SMARCA4: variants seen among roughly 807,000 people sequenced by gnomAD.
SMARCA4 encodes the protein SWI/SNF-related matrix-associated actin-dependent regulator of chromatin subfamily A member 4.
SMARCA4 carries 31 observed loss-of-function variants against 193.9 expected under a neutral mutation model. The observed-to-expected ratio is 0.16, with a 90% CI of 0.12 to 0.22. SMARCA4 has a LOEUF of 0.22. SMARCA4 is among the 10% of genes least tolerant of loss of function. SMARCA4 has a pLI of 1.00. For missense variants in SMARCA4, 1,148 were observed against 2,296.0 expected (o/e 0.50, Z 10.22); for synonymous variants, 942 against 933.1 (o/e 1.01, Z -0.17).
intron 19 of SMARCA4, among the ~76,000 whole-genome samples, chr19:11,023,237 G>A (rs1020212474): frequency 5.3e-5 from 8 of 152,348 alleles, no homozygotes; most frequent in African/African-American, 1.9e-4. Context: ...CCGCTGCCGG[G>A]GGTCTTTCTG....
chr19:10,970,845 A>G (rs375768655), intron 1 of SMARCA4, among the ~76,000 whole-genome samples: 13 of 152,358 alleles, frequency 8.5e-5, no homozygotes, highest in African/African-American at 3.1e-4. Flanking sequence ...ATGAGAGTAT[A>G]GTAGAAGAAA....
rs746801055 is a variant in SMARCA4 at position 11,023,577 on chromosome 19, G to A, written c.2919G>A (p.Arg973=). ...LIIRRLHKVL[R]PFLLRRLKKE... ...TCCGGCGTCTCCACAAAGTGCTGCG[G>A]CCCTTCTTGCTCCGACGACTCAAGA... Residue 973 remains arginine, a synonymous_variant, in exon 20 of 35, where the codon CGG becomes CGA. Transcript: ENST00000344626. The A allele has an allele frequency of 1.2e-6, 2 of 1,613,518 alleles. No homozygotes were observed. Among genetic ancestry groups the A allele is most frequent in the Non-Finnish European group, 8.5e-7 (1 of 1,179,764 alleles).
In SMARCA4 at chr19:10,984,885, T is replaced by C. The variant is rs2085879322; in HGVS notation, c.223-388T>C. ...GGCTCTTTATGGTCACAAGTCTCTT[T>C]TGCATGTCCCTGGATGTGGTTAGAG... On this transcript the variant is annotated intron_variant, in intron 2 of 34. Coordinates refer to ENST00000344626, the MANE Select transcript of SMARCA4 (RefSeq NM_003072.5). This position sits in a 1 kb window ranked among gnomAD's most constrained non-coding sequence, Gnocchi z 4.3. Among the ~76,000 whole-genome samples, 1 of 152,178 alleles carries C rather than the reference T, an allele frequency of 6.6e-6. No individual in the cohort carries two copies. The highest frequency in any genetic ancestry group is 2.4e-5 in the African/African-American group (1 of 41,450).
intron 30 of SMARCA4, among the ~76,000 whole-genome samples, chr19:11,044,840 G>A (rs894874106): frequency 7.2e-5 from 11 of 152,182 alleles, no homozygotes; most frequent in Admixed American, 2.0e-4. Context: ...TGTCCACACC[G>A]ACAGACGTGT....
Position 11,030,934 on chromosome 19 carries a change from G to T in SMARCA4, c.3546+41G>T. 1.3e-6 allele frequency: 2 copies of T among 1,588,434 alleles called. No homozygotes were observed. The highest frequency in any genetic ancestry group is 1.7e-6 in the Non-Finnish European group (2 of 1,165,438). ...GCCCCAGGTCGAGGAGAAGGAAGGGGGTGCCTGCAAAACCTCGAGGAGACG... is the reference window on the plus strand; with the variant it reads ...GCCCCAGGTCGAGGAGAAGGAAGGGTGTGCCTGCAAAACCTCGAGGAGACG... On this transcript the variant is annotated intron_variant, in intron 25 of 34. Coordinates refer to ENST00000344626, the MANE Select transcript of SMARCA4 (RefSeq NM_003072.5). The surrounding 1 kb of genome is among the most constrained non-coding windows in gnomAD (Gnocchi z 5.5).
In SMARCA4 at chr19:10,986,516, C is replaced by A. The variant is rs2145783138; in HGVS notation, c.683C>A (p.Thr228Lys). 1 of 1,544,614 alleles carries A rather than the reference C, an allele frequency of 6.5e-7. No homozygotes were observed. Among genetic ancestry groups the A allele is most frequent in the African/African-American group, 1.4e-5 (1 of 73,182 alleles). The change falls in exon 4 of 35, where the codon ACA becomes AAA. Residue 228 changes from threonine (T) to lysine (K), a missense_variant. Thr to Lys is a moderately conservative substitution (Grantham distance 78). This residue lies in a region of SMARCA4 where 257 missense variants were observed against 276.5 expected (regional missense o/e 0.93). Transcript: ENST00000344626. The surrounding 1 kb of genome is among the most constrained non-coding windows in gnomAD (Gnocchi z 6.7). ...PTLPPPSVSATGPGPGPGPGP... is the reference protein window; with the variant it reads ...PTLPPPSVSAKGPGPGPGPGP... Reference sequence around the variant, plus strand: ...CTACCTCCACCCTCGGTGTCCGCAACAGGACCCGGCCCTGGCCCTGGCCCT... The same window carrying A: ...CTACCTCCACCCTCGGTGTCCGCAAAAGGACCCGGCCCTGGCCCTGGCCCT...
chr19:11,018,439 C>G, intron 16 of SMARCA4: 4 of 285,662 alleles, frequency 1.4e-5, no homozygotes, highest in Non-Finnish European at 2.8e-5. Flanking sequence ...CCTCCCATCC[C>G]TGTCCTCCCG....
rs1023813820 is a variant in SMARCA4 at position 11,041,714 on chromosome 19, C to T, written c.4424+154C>T. 6.6e-6 allele frequency among the ~76,000 whole-genome samples: 1 copy of T among 152,198 alleles called. No homozygotes were observed. The highest frequency in any genetic ancestry group is 1.5e-5 in the Non-Finnish European group (1 of 68,040). The stretch of plus-strand genomic sequence containing the variant: ...GAATCTCTGTGTCTTTGAGCCTGGC[C>T]CTGAGGAACATGCTTTCTGGAACAG... On this transcript the variant is annotated intron_variant, in intron 30 of 34. Transcript: ENST00000344626. This position sits in a 1 kb window ranked among gnomAD's most constrained non-coding sequence, Gnocchi z 5.6.
intron 16 of SMARCA4, 87 bp downstream of exon 16, chr19:11,013,199 A>C (rs2089025453): frequency 7.0e-7 from 1 of 1,438,276 alleles, no homozygotes; most frequent in Non-Finnish European, 9.6e-7. Context: ...GAATACCACA[A>C]ACGAGGTGGC....
At chr19:11,055,699 CAA>C (rs1412263706) in intron 30 of SMARCA4, among the ~76,000 whole-genome samples, 1 of 152,140 alleles carries the variant, frequency 6.6e-6, no homozygotes, top group African/African-American at 2.4e-5. Flanking sequence ...CGTTTCAAGC[CAA>C]GAGTCTGCAC....
intron 30 of SMARCA4, among the ~76,000 whole-genome samples, chr19:11,052,262 G>A (rs1168265273): frequency 6.6e-6 from 1 of 152,200 alleles, no homozygotes. Flanking sequence ...GAAATAGCTA[G>A]ATCAAAGAAT....
chr19:11,021,509 C>T (rs773375550), intron 18 of SMARCA4: 45 of 690,978 alleles, frequency 6.5e-5, no homozygotes, highest in Admixed American at 3.1e-4. Context: ...CATGGGGTCA[C>T]GGGCCTGTCT....
chr19:10,991,084 C>A (rs527767038), intron 7 of SMARCA4, 66 bp from the exon 8 acceptor site: 1 of 1,601,598 alleles, frequency 6.2e-7, no homozygotes, highest in Non-Finnish European at 8.5e-7. Flanking sequence ...CATCACCATA[C>A]GTGTTTGTCA....
rs147718086 is a variant in SMARCA4 at position 11,001,121 on chromosome 19, C to T, written c.1813-1908C>T. ...CCAGGCTGGAGTCCAGTGATGAGGT[C>T]ATGGCTCACCGCAGCCTTGACGTCC... On this transcript the variant is annotated intron_variant, in intron 11 of 34. Coordinates refer to ENST00000344626, the MANE Select transcript of SMARCA4 (RefSeq NM_003072.5). Among the ~76,000 whole-genome samples, 360 of 152,252 alleles carry T rather than the reference C, an allele frequency of 2.4e-3. 2 individuals are homozygous for T. Among genetic ancestry groups the T allele is most frequent in the African/African-American group, 8.1e-3 (336 of 41,538 alleles).
intron 1 of SMARCA4, among the ~76,000 whole-genome samples, chr19:10,981,784 G>A (rs1421858805): frequency 1.3e-5 from 2 of 152,048 alleles, no homozygotes; most frequent in Non-Finnish European, 2.9e-5. Flanking sequence ...AAGTGTTTGA[G>A]ACCAGCCTGG....
chr19:11,004,286 A>C (rs1270680945), intron 13 of SMARCA4, among the ~76,000 whole-genome samples: 1 of 138,362 alleles, frequency 7.2e-6, no homozygotes. Context: ...GTCTCACTCT[A>C]TAGCCCAGGA....
intron 30 of SMARCA4, among the ~76,000 whole-genome samples, chr19:11,043,529 C>G (rs2075736849): frequency 6.6e-6 from 1 of 151,902 alleles, no homozygotes; most frequent in African/African-American, 2.4e-5. Flanking sequence ...TAGCACATGC[C>G]TGGGGTCCCC....
In SMARCA4 at chr19:11,019,785, A is replaced by G. The variant is rs142121044; in HGVS notation, c.2616+84A>G. The G allele has an allele frequency of 5.8e-5, 56 of 957,284 alleles. No individual in the cohort carries two copies. The highest frequency in any genetic ancestry group is 9.8e-5 in the Admixed American group (5 of 51,134). The allele number at this position is 957,284 out of a possible 1,614,324, so 59.3% of individuals were successfully genotyped here. A position where few individuals can be genotyped will look rare whatever the true frequency, so the allele number is the denominator to read the frequency against. The stretch of plus-strand genomic sequence containing the variant: ...GCTGCCCGTCTCCTCCAAAGCCCCT[A>G]CAAGTTTCTTCCCGGAGTCCCACCT... On this transcript the variant is annotated intron_variant, in intron 18 of 34. Coordinates refer to ENST00000344626, the MANE Select transcript of SMARCA4 (RefSeq NM_003072.5). This position sits in a 1 kb window ranked among gnomAD's most constrained non-coding sequence, Gnocchi z 6.1.
intron 11 of SMARCA4, among the ~76,000 whole-genome samples, chr19:10,997,884 G>A (rs1285125879): frequency 6.6e-6 from 1 of 152,172 alleles, no homozygotes; most frequent in East Asian, 1.9e-4. Flanking sequence ...ACACTGTACC[G>A]AGGTGACGGA....
Sources: allele counts gnomAD v4.1 joint callset (sites outside exome capture counted in the v4.1 genomes callset), GRCh38; gene constraint gnomAD v4.1.1; regional missense constraint gnomAD v4.1.1; non-coding constraint Gnocchi (gnomAD v3.1); transcripts MANE v1.5; gene names NCBI Gene and HGNC (gene_info 2026-07-23, HGNC 2026-07-21).